Variants in BRINP2 observed in about 807,000 individuals in gnomAD.
The protein encoded by BRINP2 is BMP/retinoic acid inducible neural specific 2.
Under a neutral mutation model 69.2 loss-of-function variants are expected in BRINP2, and 21 were observed. The observed-to-expected ratio is 0.30, with a 90% CI of 0.22 to 0.44. The LOEUF (loss-of-function observed/expected upper bound fraction) is 0.44, where lower values mean the gene tolerates loss of function less well. Among genes scored for constraint, BRINP2 ranks in the 20% least tolerant of loss-of-function variants. BRINP2 has a pLI of 1.00. For synonymous variants in BRINP2, 380 were observed against 394.1 expected, an observed-to-expected ratio of 0.96 and a Z score of 0.42; for missense variants, 877 against 986.0, an observed-to-expected ratio of 0.89 and a Z score of 1.48.
intron 2 of BRINP2, among the ~76,000 whole-genome samples, chr1:177,231,563 G>A (rs1011353488): frequency 6.6e-6 from 1 of 152,212 alleles, no homozygotes; most frequent in Admixed American, 6.5e-5. Context: ...CAAGGTCAGA[G>A]ATATTTGAGG....
At chr1:177,186,136 G>T (rs546034227) in intron 1 of BRINP2, among the ~76,000 whole-genome samples, 1 of 152,112 alleles carries the variant, frequency 6.6e-6, no homozygotes, top group Non-Finnish European at 1.5e-5. Context: ...TGGCCATCCC[G>T]CTGACAACTT....
chr1:177,205,387 A>G (rs1649043416), intron 1 of BRINP2, among the ~76,000 whole-genome samples: 1 of 152,134 alleles, frequency 6.6e-6, no homozygotes, highest in Non-Finnish European at 1.5e-5. Flanking sequence ...ACCTCAAGTG[A>G]TCTCTTTCAG....
chr1:177,276,598 C>T (rs540561483), intron 6 of BRINP2, among the ~76,000 whole-genome samples, 164 bp downstream of exon 6: 34 of 152,318 alleles, frequency 2.2e-4, no homozygotes, highest in African/African-American at 7.7e-4. Flanking sequence ...CACCCTGAGG[C>T]TCAAGTGGTT....
chr1:177,273,638 A>T lies in BRINP2; in HGVS notation c.775+45A>T, dbSNP rs575330821. On this transcript the variant is annotated intron_variant, in intron 5 of 7. Coordinates refer to ENST00000361539, the MANE Select transcript of BRINP2 (RefSeq NM_021165.4). ...TTTTCATACCTTTCACACCTGATTT[A>T]AAAAAAAAAATTCCTAGATCAAATA... The T allele has an allele frequency of 1.9e-3, 1,485 of 772,088 alleles. 3 individuals carry two copies. The highest frequency in any genetic ancestry group is 0.012 in the African/African-American group (635 of 53,990). The allele number at this position is 772,088 out of a possible 1,614,324, so 47.8% of individuals were successfully genotyped here. A position where few individuals can be genotyped will look rare whatever the true frequency, so the allele number is the denominator to read the frequency against.
intron 1 of BRINP2, among the ~76,000 whole-genome samples, chr1:177,227,277 G>C (rs775894313): frequency 1.3e-5 from 2 of 152,132 alleles, no homozygotes; most frequent in Non-Finnish European, 2.9e-5. Context: ...TGGCTGCCTT[G>C]GCCTCCAGTA....
chr1:177,176,418 G>A (rs1648087696), intron 1 of BRINP2, among the ~76,000 whole-genome samples: 1 of 151,756 alleles, frequency 6.6e-6, no homozygotes, highest in South Asian at 2.1e-4. Context: ...TGAATACATT[G>A]AGTTAAATCA....
At position 177,188,559 on chromosome 1, in the gene BRINP2, GA is replaced by G. The variant is rs1648498937; in HGVS notation, c.-77+16829del. ...GACATTTAAGCAAAGACTAGAAGAA[GA>G]AGTTGGGAGGATGAGCCATGTGGAT... On this transcript the variant is annotated intron_variant, in intron 1 of 7. Transcript: ENST00000361539. Among the ~76,000 whole-genome samples, 2 of 152,158 alleles carry G rather than the reference GA, an allele frequency of 1.3e-5. 1 individual carries two copies. Among genetic ancestry groups the G allele is most frequent in the Admixed American group, 1.3e-4 (2 of 15,272 alleles).
rs1005715828 is a variant in BRINP2 at position 177,278,709 on chromosome 1, C to T, written c.1159C>T (p.His387Tyr). Residue 387 changes from histidine to tyrosine, a missense_variant, in exon 7 of 8, where the codon CAT (histidine) becomes TAT (tyrosine). Physicochemically the swap from His to Tyr is moderately conservative, Grantham distance 83 (BLOSUM62 2). Coordinates refer to ENST00000361539, the MANE Select transcript of BRINP2 (RefSeq NM_021165.4). ...AGLKVLFKKT[H>Y]RILRRLFNLC... ...CTTGAAAGTGCTGTTCAAAAAGACC[C>T]ATCGGATCCTACGCCGGCTCTTCAA... 1.2e-6 allele frequency: 2 copies of T among 1,614,196 alleles called. No homozygotes were observed. The highest frequency in any genetic ancestry group is 1.7e-6 in the Non-Finnish European group (2 of 1,180,048).
At chr1:177,205,883 C>T (rs1033837747) in intron 1 of BRINP2, among the ~76,000 whole-genome samples, 1 of 152,178 alleles carries the variant, frequency 6.6e-6, no homozygotes, top group Non-Finnish European at 1.5e-5. Flanking sequence ...TCCTGGTATT[C>T]GCACCCTTGC....
intron 1 of BRINP2, among the ~76,000 whole-genome samples, chr1:177,184,635 G>A (rs529815760): frequency 1.1e-4 from 17 of 148,082 alleles, no homozygotes; most frequent in African/African-American, 4.2e-4. Flanking sequence ...TTTGAAGGTA[G>A]AGCCTGAGTC....
At chr1:177,206,966 G>A (rs1046254818) in intron 1 of BRINP2, among the ~76,000 whole-genome samples, 5 of 152,176 alleles carry the variant, frequency 3.3e-5, no homozygotes, top group Admixed American at 6.5e-5. Context: ...GTTAGAGTTA[G>A]AGGAAAACAT....
At chr1:177,256,460 C>A (rs1473746790) in intron 3 of BRINP2, 1 of 985,260 alleles carries the variant, frequency 1.0e-6, no homozygotes, top group African/African-American at 1.7e-5. Context: ...AATGGTCAGA[C>A]CCACAGGCAA....
intron 1 of BRINP2, among the ~76,000 whole-genome samples, chr1:177,193,098 A>G (rs75915656): frequency 6.6e-6 from 1 of 152,196 alleles, no homozygotes; most frequent in East Asian, 1.9e-4. Context: ...CTGCTTATGG[A>G]TCCAGTTTTG....
chr1:177,280,295 G>T, intron 7 of BRINP2, 117 bp from the exon 8 acceptor site: 3 of 1,080,710 alleles, frequency 2.8e-6, no homozygotes, highest in African/African-American at 1.6e-5. Flanking sequence ...AGATCTTGGG[G>T]ATTTTATTTT....
At chr1:177,229,600 T>C (rs1455470448) in intron 1 of BRINP2, among the ~76,000 whole-genome samples, 1 of 152,248 alleles carries the variant, frequency 6.6e-6, no homozygotes, top group African/African-American at 2.4e-5. Flanking sequence ...TGTGAAATGA[T>C]GGCAATAGTG....
intron 2 of BRINP2, among the ~76,000 whole-genome samples, chr1:177,254,112 C>A (rs1325503357): frequency 6.6e-6 from 1 of 152,080 alleles, no homozygotes. Context: ...CTTTAAAATG[C>A]AAACATTCCA....
At position 177,270,085 on chromosome 1, in the gene BRINP2, G is replaced by T. The variant is rs201933417; in HGVS notation, c.670-3403G>T. Among the ~76,000 whole-genome samples, 1,020 of 139,238 alleles carry T rather than the reference G, an allele frequency of 7.3e-3. 17 individuals are homozygous for T. Among genetic ancestry groups the T allele is most frequent in the African/African-American group, 0.025 (957 of 38,876 alleles). 91.3% of individuals were successfully genotyped at this position (139,238 alleles called of 152,430 possible). ...TTCCTCACTTTGGGGCAAGGGGTGG[G>T]GGGGGTGGTTCTCAAGCTATTCTGC... On this transcript the variant is annotated intron_variant, in intron 4 of 7. Coordinates refer to ENST00000361539, the MANE Select transcript of BRINP2 (RefSeq NM_021165.4).
In BRINP2 at chr1:177,281,291, C is replaced by T. The variant is rs754339697; in HGVS notation, c.2115C>T (p.Asp705=). 6.8e-6 allele frequency: 11 copies of T among 1,614,166 alleles called. No homozygotes were observed. The highest frequency in any genetic ancestry group is 9.3e-6 in the Non-Finnish European group (11 of 1,180,026). ...TCCGGGACTTAATTCTCCAGTTGGA[C>T]TACCCATATACTCAAGGTTCCCAGG... is the stretch of plus-strand genomic sequence containing the variant. ...DAIRDLILQL[D]YPYTQGSQDS... Residue 705 remains aspartate, a synonymous_variant, in exon 8 of 8, where the codon GAC becomes GAT. Coordinates refer to ENST00000361539, the MANE Select transcript of BRINP2 (RefSeq NM_021165.4).
intron 5 of BRINP2, among the ~76,000 whole-genome samples, chr1:177,274,045 G>T (rs1295146408): frequency 2.6e-5 from 4 of 152,170 alleles, no homozygotes; most frequent in Non-Finnish European, 5.9e-5. Flanking sequence ...ACAAAGTGGG[G>T]GACCACTACT....
Sources: allele counts gnomAD v4.1 joint callset (sites outside exome capture counted in the v4.1 genomes callset), GRCh38; gene constraint gnomAD v4.1.1; transcripts MANE v1.5; gene names NCBI Gene and HGNC (gene_info 2026-07-23, HGNC 2026-07-21).